DNAJC15: variants seen among roughly 807,000 people sequenced by gnomAD.
DNAJC15 encodes DnaJ heat shock protein family (Hsp40) member C15.
Under a neutral mutation model 22.4 loss-of-function variants are expected in DNAJC15, and 27 were observed. The observed-to-expected ratio is 1.20, with a 90% CI of 0.89 to 1.66. The LOEUF (loss-of-function observed/expected upper bound fraction) is 1.66. DNAJC15 is among the 40% of genes most tolerant of loss of function. The pLI, the probability that DNAJC15 is intolerant of heterozygous loss-of-function variation, is 0.00. For missense variants in DNAJC15, 208 were observed against 187.1 expected (o/e 1.11, Z -0.65); for synonymous variants, 79 against 63.2 (o/e 1.25, Z -1.19).
chr13:43,077,755 T>G (rs992108568), intron 3 of DNAJC15, among the ~76,000 whole-genome samples: 2 of 152,330 alleles, frequency 1.3e-5, no homozygotes, highest in South Asian at 4.1e-4. Flanking sequence ...AACAGTGTCC[T>G]CAACATCATT....
intron 1 of DNAJC15, among the ~76,000 whole-genome samples, chr13:43,037,466 G>A (rs1421987341): frequency 6.6e-6 from 1 of 152,158 alleles, no homozygotes; most frequent in Non-Finnish European, 1.5e-5. Flanking sequence ...GAAGATCAAT[G>A]TAGTTATTCT....
At chr13:43,060,148 T>G (rs1361329758) in intron 1 of DNAJC15, among the ~76,000 whole-genome samples, 1 of 152,008 alleles carries the variant, frequency 6.6e-6, no homozygotes, top group Non-Finnish European at 1.5e-5. Context: ...AATAGTGAAG[T>G]GTTGGAGCGG....
intron 3 of DNAJC15, among the ~76,000 whole-genome samples, chr13:43,069,256 A>T (rs927894229): frequency 3.9e-5 from 6 of 152,142 alleles, no homozygotes; most frequent in Admixed American, 3.9e-4. Flanking sequence ...TATTACATCA[A>T]ATTTGATGTA....
chr13:43,069,267 ACTT>A (rs1224193626), intron 3 of DNAJC15, among the ~76,000 whole-genome samples: 1 of 152,160 alleles, frequency 6.6e-6, no homozygotes, highest in Admixed American at 6.5e-5. Context: ...ATTTGATGTA[ACTT>A]ACTTTACCCG....
At chr13:43,107,062 T>C in intron 5 of DNAJC15, 116 bp from the exon 6 acceptor site, 1 of 763,536 alleles carries the variant, frequency 1.3e-6, no homozygotes, top group Non-Finnish European at 1.9e-6. Flanking sequence ...TAAAATAATT[T>C]GTCAGAGGAT....
chr13:43,081,766 T>G (rs551148296), intron 4 of DNAJC15, among the ~76,000 whole-genome samples: 45 of 152,090 alleles, frequency 3.0e-4, no homozygotes, highest in Non-Finnish European at 5.9e-4. Flanking sequence ...TTCTAAAAAC[T>G]TTTGTAGAAT....
intron 1 of DNAJC15, among the ~76,000 whole-genome samples, chr13:43,034,378 C>T (rs1183023601): frequency 2.3e-5 from 3 of 133,164 alleles, no homozygotes; most frequent in Non-Finnish European, 3.1e-5. Flanking sequence ...TGCAGTGGCG[C>T]GATCTCGGCT....
intron 1 of DNAJC15, among the ~76,000 whole-genome samples, chr13:43,039,220 C>T (rs948157571): frequency 6.6e-6 from 1 of 152,154 alleles, no homozygotes; most frequent in African/African-American, 2.4e-5. Flanking sequence ...GTGTCTTCCT[C>T]ATAAAATGTG....
chr13:43,066,463 C>T (rs1239995613), intron 2 of DNAJC15, among the ~76,000 whole-genome samples: 1 of 152,122 alleles, frequency 6.6e-6, no homozygotes, highest in African/African-American at 2.4e-5. Context: ...TTTGTGATTA[C>T]ACTGGGCCCA....
At chr13:43,090,344 T>C (rs1408949256) in intron 5 of DNAJC15, among the ~76,000 whole-genome samples, 1 of 152,256 alleles carries the variant, frequency 6.6e-6, no homozygotes, top group Non-Finnish European at 1.5e-5. Context: ...CTGTTTGTTA[T>C]ACTTCTAAGT....
At chr13:43,041,228 T>A (rs1040353528) in intron 1 of DNAJC15, among the ~76,000 whole-genome samples, 1 of 152,186 alleles carries the variant, frequency 6.6e-6, no homozygotes, top group Non-Finnish European at 1.5e-5. Context: ...CCTGGGTACT[T>A]GAGATTAGGG....
At chr13:43,069,945 A>G (rs2040600998) in intron 3 of DNAJC15, among the ~76,000 whole-genome samples, 1 of 152,074 alleles carries the variant, frequency 6.6e-6, no homozygotes, top group Non-Finnish European at 1.5e-5. Flanking sequence ...ACTTACCAGA[A>G]AGACTGTCAT....
chr13:43,091,380 G>A (rs9533384), intron 5 of DNAJC15, among the ~76,000 whole-genome samples: 34,716 of 152,160 alleles, frequency 0.23, 4,551 homozygotes, highest in Non-Finnish European at 0.31. Context: ...GAGCCACTGC[G>A]CCTGGCCAAT....
Position 43,088,991 on chromosome 13 carries a change from G to A in DNAJC15, c.382+3153G>A, listed in dbSNP as rs184733471. Among the ~76,000 whole-genome samples, 516 of 152,156 alleles carry A rather than the reference G, an allele frequency of 3.4e-3. 4 individuals carry two copies. Among genetic ancestry groups the A allele is most frequent in the Non-Finnish European group, 4.6e-3 (316 of 67,984 alleles). ...TTTGTTTTATGCATTGATTTTCCTT[G>A]ATAAATGCTGAGATCCTTAAAAGTG... On this transcript the variant is annotated intron_variant, in intron 5 of 5. Coordinates refer to ENST00000379221, the MANE Select transcript of DNAJC15 (RefSeq NM_013238.3).
intron 1 of DNAJC15, among the ~76,000 whole-genome samples, chr13:43,058,461 C>T (rs1283989629): frequency 2.6e-5 from 4 of 152,064 alleles, no homozygotes; most frequent in Admixed American, 6.5e-5. Flanking sequence ...TCAGATTGTC[C>T]TTGGGCAGGG....
chr13:43,106,238 G>T (rs1233918020), intron 5 of DNAJC15, among the ~76,000 whole-genome samples: 1 of 149,576 alleles, frequency 6.7e-6, no homozygotes, highest in Non-Finnish European at 1.5e-5. Flanking sequence ...CACTTAAGGG[G>T]AGAATACAAA....
chr13:43,038,258 A>G (rs959600935), intron 1 of DNAJC15, among the ~76,000 whole-genome samples: 3 of 152,232 alleles, frequency 2.0e-5, no homozygotes, highest in Admixed American at 6.5e-5. Context: ...CCCAATTTGC[A>G]TTCCTAGCAT....
intron 3 of DNAJC15, among the ~76,000 whole-genome samples, chr13:43,071,731 A>G (rs2153441089): frequency 6.7e-6 from 1 of 150,046 alleles, no homozygotes; most frequent in African/African-American, 2.5e-5. Context: ...CTGTCATTCA[A>G]AAAAGATTGT....
At chr13:43,066,229 C>T (rs894099891) in intron 2 of DNAJC15, among the ~76,000 whole-genome samples, 4 of 151,538 alleles carry the variant, frequency 2.6e-5, no homozygotes, top group Admixed American at 2.0e-4. Context: ...GCTAAAATTA[C>T]GTTTTTCGAA....
Sources: gnomAD v4.1 joint callset for allele counts (sites outside exome capture counted in the v4.1 genomes callset) on GRCh38, gnomAD v4.1.1 for gene constraint, MANE v1.5 for transcripts, NCBI Gene and HGNC (gene_info 2026-07-23, HGNC 2026-07-21) for gene names.